GYS2: variants seen among roughly 807,000 people sequenced by gnomAD.
GYS2 encodes the protein glycogen synthase 2, also known as glycogen [starch] synthase, liver.
GYS2 carries 80 observed loss-of-function variants against 85.6 expected under a neutral mutation model. The observed-to-expected ratio is 0.93, with a 90% confidence interval of 0.78 to 1.13. GYS2 has a LOEUF of 1.13. GYS2 is among the 50% of genes most tolerant of loss of function. The pLI, the probability that GYS2 is intolerant of heterozygous loss-of-function variation, is 0.00. For missense variants in GYS2, 881 were observed against 854.9 expected (o/e 1.03, Z -0.38); for synonymous variants, 328 against 300.7 (o/e 1.09, Z -0.94).
intron 1 of GYS2, among the ~76,000 whole-genome samples, chr12:21,583,760 A>T (rs1944539682): frequency 6.6e-6 from 1 of 152,234 alleles, no homozygotes; most frequent in African/African-American, 2.4e-5. Flanking sequence ...TGTGACCTGA[A>T]CTGCCTATCA....
intron 13 of GYS2, among the ~76,000 whole-genome samples, chr12:21,542,269 C>T (rs970549862): frequency 1.3e-5 from 2 of 152,132 alleles, no homozygotes; most frequent in Non-Finnish European, 2.9e-5. Context: ...ATGCTGGTCT[C>T]GAACCCCTGA....
At chr12:21,587,976 G>A (rs1284355651) in intron 1 of GYS2, among the ~76,000 whole-genome samples, 3 of 152,150 alleles carry the variant, frequency 2.0e-5, no homozygotes, top group Non-Finnish European at 4.4e-5. Context: ...AAGACCTCCA[G>A]TAAACTTAGG....
chr12:21,591,377 A>G (rs1944637112), intron 1 of GYS2, among the ~76,000 whole-genome samples: 1 of 152,062 alleles, frequency 6.6e-6, no homozygotes. Context: ...CTTCAACAAT[A>G]GATCAGATCA....
Position 21,542,550 on chromosome 12 carries a change from G to C in GYS2, c.1591C>G (p.Leu531Val). 1 of 1,613,792 alleles carries C rather than the reference G, an allele frequency of 6.2e-7. No homozygotes were observed. The highest frequency in any genetic ancestry group is 1.1e-5 in the South Asian group (1 of 91,080). Residue 531 changes from leucine (L) to valine (V), a missense_variant, in exon 13 of 16, where the codon CTC becomes GTC. By Grantham distance (32) the Leu-to-Val change is conservative (BLOSUM62 1). Coordinates refer to ENST00000261195, the MANE Select transcript of GYS2 (RefSeq NM_021957.4). ...TGCATGAAACAGCCAAACCCGGAGA[G>C]ATTCGTGGTCACACTGGGGATACCC... is the stretch of plus-strand genomic sequence containing the variant. The part of the protein sequence containing the change: ...VMGIPSVTTN[L>V]SGFGCFMQEH...
At chr12:21,590,872 T>G (rs1260553573) in intron 1 of GYS2, among the ~76,000 whole-genome samples, 2 of 152,108 alleles carry the variant, frequency 1.3e-5, no homozygotes, top group Admixed American at 1.3e-4. Context: ...ACACTGATGA[T>G]ACTGTTGGCA....
intron 1 of GYS2, among the ~76,000 whole-genome samples, chr12:21,598,221 A>G (rs1397619590): frequency 6.6e-6 from 1 of 152,146 alleles, no homozygotes; most frequent in Non-Finnish European, 1.5e-5. Flanking sequence ...CCTAACACAT[A>G]GAAACGATAA....
Position 21,539,349 on chromosome 12 carries a change from A to T in GYS2, c.1810-11T>A. ...GGCATGCTGGTAATACTATTGATAG[A>T]AAGCCAAATCACAGGTTAATAAAAA... On this transcript the variant is annotated splice_polypyrimidine_tract_variant and intron_variant, in intron 14 of 15. Coordinates refer to ENST00000261195, the MANE Select transcript of GYS2 (RefSeq NM_021957.4). 1 of 1,519,108 alleles carries T rather than the reference A, an allele frequency of 6.6e-7. No individual in the cohort carries two copies. Among genetic ancestry groups the T allele is most frequent in the Non-Finnish European group, 9.1e-7 (1 of 1,093,596 alleles). The allele number at this position is 1,519,108 out of a possible 1,614,324, so 94.1% of individuals were successfully genotyped here.
Position 21,539,288 on chromosome 12 carries a change from T to A in GYS2, c.1860A>T (p.Lys620Asn), listed in dbSNP as rs1943945095. 6.2e-7 allele frequency: 1 copy of A among 1,604,586 alleles called. No homozygotes were observed. The highest frequency in any genetic ancestry group is 1.3e-5 in the African/African-American group (1 of 74,840). Residue 620 changes from lysine (K) to asparagine (N), a missense_variant, in exon 15 of 16, where the codon AAA becomes AAT. Physicochemically the swap from Lys to Asn is moderately conservative, Grantham distance 94. Transcript: ENST00000261195. The stretch of plus-strand genomic sequence containing the variant: ...GTGGTGATGTTAGTTCCACATGGAA[T>A]TTATCTGGAAAAGCTCTGCTTAATG... ...HLTLSRAFPDKFHVELTSPPT... is the reference protein window; with the variant it reads ...HLTLSRAFPDNFHVELTSPPT...
chr12:21,596,125 C>G (rs1173740686), intron 1 of GYS2, among the ~76,000 whole-genome samples: 1 of 151,176 alleles, frequency 6.6e-6, no homozygotes, highest in Non-Finnish European at 1.5e-5. Flanking sequence ...AATTACCAAC[C>G]AAAAAAAAGT....
At chr12:21,591,709 C>T (rs1218100986) in intron 1 of GYS2, among the ~76,000 whole-genome samples, 3 of 152,004 alleles carry the variant, frequency 2.0e-5, no homozygotes, top group Non-Finnish European at 4.4e-5. Context: ...TGTCAAAAGC[C>T]AAAGAGTAAG....
Position 21,574,187 on chromosome 12 carries a change from T to A in GYS2, c.635A>T (p.Tyr212Phe). 1 of 1,613,510 alleles carries A rather than the reference T, an allele frequency of 6.2e-7. No homozygotes were observed. Among genetic ancestry groups the A allele is most frequent in the Non-Finnish European group, 8.5e-7 (1 of 1,179,404 alleles). ...FTTHATLLGR[Y>F]LCAANIDFYN... ...GAAATCAATATTTGCTGCACAGAGA[T>A]ACCTCCCAAGTAGTGTAGCGTGGGT... The change falls in exon 4 of 16, where the codon TAT (tyrosine) becomes TTT (phenylalanine). Residue 212 changes from tyrosine to phenylalanine, a missense_variant. Transcript: ENST00000261195.
intron 2 of GYS2, among the ~76,000 whole-genome samples, chr12:21,579,793 G>C (rs1388570593): frequency 6.6e-6 from 1 of 151,854 alleles, no homozygotes; most frequent in Non-Finnish European, 1.5e-5. Context: ...TCCCTCTTAG[G>C]AGGACCCACC....
intron 15 of GYS2, among the ~76,000 whole-genome samples, chr12:21,538,675 A>G (rs532477177): frequency 6.6e-6 from 1 of 152,230 alleles, no homozygotes; most frequent in South Asian, 2.1e-4. Context: ...GCAAGGACTG[A>G]TCCCACTAAA....
intron 1 of GYS2, among the ~76,000 whole-genome samples, chr12:21,589,444 G>A (rs948236524): frequency 1.3e-5 from 2 of 152,146 alleles, no homozygotes; most frequent in Non-Finnish European, 2.9e-5. Context: ...AAAATTTCAA[G>A]GGAAGGGGCT....
chr12:21,581,893 G>A (rs1944513931), intron 1 of GYS2, among the ~76,000 whole-genome samples: 1 of 152,058 alleles, frequency 6.6e-6, no homozygotes, highest in African/African-American at 2.4e-5. Context: ...TAGTTTGGAG[G>A]GAAAGACAGG....
intron 12 of GYS2, among the ~76,000 whole-genome samples, chr12:21,544,733 A>C (rs762422031): frequency 1.3e-5 from 2 of 152,224 alleles, no homozygotes; most frequent in African/African-American, 2.4e-5. Flanking sequence ...TGCAAGAGAG[A>C]TACCCGGAAG....
At chr12:21,592,513 T>C (rs951615015) in intron 1 of GYS2, among the ~76,000 whole-genome samples, 1 of 151,968 alleles carries the variant, frequency 6.6e-6, no homozygotes, top group African/African-American at 2.4e-5. Flanking sequence ...ACAGATAAAA[T>C]TGACTTTAAA....
chr12:21,537,152 C>T lies in GYS2; in HGVS notation c.1914G>A (p.Arg638=). 6.2e-7 allele frequency: 1 copy of T among 1,613,588 alleles called. No homozygotes were observed. The highest frequency in any genetic ancestry group is 1.1e-5 in the South Asian group (1 of 91,070). Residue 638 remains arginine (R), a synonymous_variant, in exon 16 of 16, where the codon AGG becomes AGA. Transcript: ENST00000261195. ...AAGGAGAAGGTGGTACTGAGGAAGG[C>T]CTGGGATATTTAAATCCTTCTGTCT... ...PPTTEGFKYP[R]PSSVPPSPSG... is the part of the protein sequence containing the mutation.
intron 13 of GYS2, among the ~76,000 whole-genome samples, chr12:21,540,889 C>T (rs539177012): frequency 6.6e-5 from 10 of 152,198 alleles, no homozygotes; most frequent in South Asian, 6.2e-4. Flanking sequence ...GATATCTGTG[C>T]CTTTTATGTT....
Sources: allele counts gnomAD v4.1 joint callset (sites outside exome capture counted in the v4.1 genomes callset), GRCh38; gene constraint gnomAD v4.1.1; transcripts MANE v1.5; gene names NCBI Gene and HGNC (gene_info 2026-07-23, HGNC 2026-07-21).